Variants in ZDHHC8 observed in about 807,000 individuals in gnomAD.
ZDHHC8 encodes the protein palmitoyltransferase ZDHHC8.
ZDHHC8 carries 24 observed loss-of-function variants against 61.2 expected under a neutral mutation model. The observed-to-expected ratio is 0.39, with a 90% CI of 0.28 to 0.55. The LOEUF is 0.55. ZDHHC8 is among the 20% of genes least tolerant of loss of function. ZDHHC8 has a pLI of 0.60. For synonymous variants in ZDHHC8, 523 were observed against 492.5 expected (o/e 1.06, Z -0.82); for missense variants, 935 against 1,102.1 (o/e 0.85, Z 2.15).
Position 20,145,603 on chromosome 22 carries a change from C to CATG in ZDHHC8, c.*203_*204insATG. On this transcript the variant is annotated 3_prime_UTR_variant, in exon 11 of 11. Coordinates refer to ENST00000334554, the MANE Select transcript of ZDHHC8 (RefSeq NM_013373.4). Reference sequence around the variant, plus strand: ...TCCACTCATCTGCCCATGGGGAAGTCGGCTCACTGGGACAAGGGCCACTGG... The same window carrying CATG: ...TCCACTCATCTGCCCATGGGGAAGTCATGGGCTCACTGGGACAAGGGCCACTGG... 1 of 1,232,758 alleles carries CATG rather than the reference C, an allele frequency of 8.1e-7. No individual in the cohort carries two copies. The highest frequency in any genetic ancestry group is 1.0e-6 in the Non-Finnish European group (1 of 984,682). The allele number at this position is 1,232,758 out of a possible 1,614,324, so 76.4% of individuals were successfully genotyped here. A position where few individuals can be genotyped will look rare whatever the true frequency, so the allele number is the denominator to read the frequency against.
At chr22:20,133,387 G>T (rs887756054) in intron 1 of ZDHHC8, among the ~76,000 whole-genome samples, 1 of 152,188 alleles carries the variant, frequency 6.6e-6, no homozygotes, top group Non-Finnish European at 1.5e-5. Flanking sequence ...GTCTGGCTTG[G>T]TTCCTTACTC....
At chr22:20,136,505 G>A (rs985719577) in intron 1 of ZDHHC8, among the ~76,000 whole-genome samples, 6 of 152,236 alleles carry the variant, frequency 3.9e-5, no homozygotes, top group Non-Finnish European at 7.3e-5. Flanking sequence ...CCCAGAGAGT[G>A]GGAGGGCCGT....
intron 9 of ZDHHC8, 55 bp downstream of exon 9, chr22:20,141,585 G>A (rs2050471833): frequency 4.1e-6 from 6 of 1,464,290 alleles, no homozygotes; most frequent in Non-Finnish European, 5.6e-6. Flanking sequence ...CCCGCCTCTA[G>A]GAGCTCGCCC....
rs1173190780 is a variant in ZDHHC8, at chr22:20,147,221, C to T, written c.*1821C>T. ...GCCTCCAGTCTTTTCCCCAGCCTCT[C>T]GGGGCCCTAGCAGGATGACAAGTAG... On this transcript the variant is annotated 3_prime_UTR_variant, in exon 11 of 11. Transcript: ENST00000334554. The T allele has an allele frequency of 4.8e-6, 7 of 1,470,532 alleles. No homozygotes were observed. Among genetic ancestry groups the T allele is most frequent in the Admixed American group, 2.5e-5 (1 of 40,342 alleles). The allele number at this position is 1,470,532 out of a possible 1,614,324, so 91.1% of individuals were successfully genotyped here.
rs972592714 is a variant in ZDHHC8, at chr22:20,147,160, C to T, written c.*1760C>T. The T allele has an allele frequency of 2.6e-6, 4 of 1,531,786 alleles. No individual in the cohort carries two copies. The highest frequency in any genetic ancestry group is 3.5e-6 in the Non-Finnish European group (4 of 1,139,646). The allele number at this position is 1,531,786 out of a possible 1,614,324, so 94.9% of individuals were successfully genotyped here. A position where few individuals can be genotyped will look rare whatever the true frequency, so the allele number is the denominator to read the frequency against. On this transcript the variant is annotated 3_prime_UTR_variant, in exon 11 of 11. Coordinates refer to ENST00000334554, the MANE Select transcript of ZDHHC8 (RefSeq NM_013373.4). Reference sequence around the variant, plus strand: ...CCCCTGGAGCCAGGCCGCCGGGGCACCCCCACGCGGGGCCATGTGCCGCCT... The same window carrying T: ...CCCCTGGAGCCAGGCCGCCGGGGCATCCCCACGCGGGGCCATGTGCCGCCT...
At position 20,133,261 on chromosome 22, in the gene ZDHHC8, G is replaced by A. The variant is rs569426898; in HGVS notation, c.104+1210G>A. On this transcript the variant is annotated intron_variant, in intron 1 of 10. Coordinates refer to ENST00000334554, the MANE Select transcript of ZDHHC8 (RefSeq NM_013373.4). ...TTGCTGCTGGTGTGGGGCAGAGAGA[G>A]GTGGGTGGGGGGCAGCCTGGGGAGC... Among the ~76,000 whole-genome samples the A allele has an allele frequency of 5.3e-5, 8 of 152,260 alleles. No homozygotes were observed. The East Asian group carries it at 9.6e-4, about 18-fold the overall frequency.
intron 9 of ZDHHC8, among the ~76,000 whole-genome samples, chr22:20,142,470 C>A (rs2050478438): frequency 6.6e-6 from 1 of 152,206 alleles, no homozygotes; most frequent in Non-Finnish European, 1.5e-5. Context: ...CGAGGCTCCT[C>A]CTCCCTCTGG....
intron 10 of ZDHHC8, among the ~76,000 whole-genome samples, 191 bp downstream of exon 10, chr22:20,143,947 T>G (rs2148009751): frequency 6.6e-6 from 1 of 152,312 alleles, no homozygotes; most frequent in Non-Finnish European, 1.5e-5. Context: ...GCTCTGAGGA[T>G]GTCCTGGGCA....
At chr22:20,142,715 G>T (rs2050480974) in intron 9 of ZDHHC8, 41 bp from the exon 10 acceptor site, 1 of 1,608,268 alleles carries the variant, frequency 6.2e-7, no homozygotes, top group African/African-American at 1.3e-5. Context: ...CTGCAGGCGG[G>T]GTGGCAGGTG....
In ZDHHC8 at chr22:20,147,320, G is replaced by C; in HGVS notation, c.*1920G>C. Reference sequence around the variant, plus strand: ...CTGCAGTGGACCCTGGGGCAGGGCTGGGGGTGGGCTGGGCTCTCTGCTCCA... The same window carrying C: ...CTGCAGTGGACCCTGGGGCAGGGCTCGGGGTGGGCTGGGCTCTCTGCTCCA... On this transcript the variant is annotated 3_prime_UTR_variant, in exon 11 of 11. Coordinates refer to ENST00000334554, the MANE Select transcript of ZDHHC8 (RefSeq NM_013373.4). 2 of 1,297,888 alleles carry C rather than the reference G, an allele frequency of 1.5e-6. No homozygotes were observed. Among genetic ancestry groups the C allele is most frequent in the South Asian group, 3.5e-5 (2 of 56,924 alleles). 80.4% of individuals were successfully genotyped at this position (1,297,888 alleles called of 1,614,324 possible). A position where few individuals can be genotyped will look rare whatever the true frequency, so the allele number is the denominator to read the frequency against.
At chr22:20,138,811 A>G (rs937827452) in intron 1 of ZDHHC8, among the ~76,000 whole-genome samples, 8 of 152,254 alleles carry the variant, frequency 5.3e-5, no homozygotes, top group African/African-American at 1.9e-4. Context: ...GGCCTGGATG[A>G]GGCATCGTGG....
intron 1 of ZDHHC8, 25 bp from the exon 2 acceptor site, chr22:20,139,169 T>C: frequency 6.2e-7 from 1 of 1,607,520 alleles, no homozygotes; most frequent in Non-Finnish European, 8.5e-7. Flanking sequence ...CAGACTCCAC[T>C]CTCTGCCCCC....
chr22:20,143,233 G>A lies in ZDHHC8; in HGVS notation c.1603G>A (p.Glu535Lys), dbSNP rs371133496. The change falls in exon 10 of 11, where the codon GAG becomes AAG. Residue 535 changes from glutamate (E) to lysine (K), a missense_variant. Physicochemically the swap from Glu to Lys is moderately conservative, Grantham distance 56. This residue lies in a region of ZDHHC8 where 692 missense variants were observed against 731.4 expected (regional missense o/e 0.95). Coordinates refer to ENST00000334554, the MANE Select transcript of ZDHHC8 (RefSeq NM_013373.4). ...FSPVLGPRPR[E>K]PSPVRYDNLS... ...CCCCGTGCTGGGCCCCCGCCCCCGG[G>A]AGCCCTCGCCTGTGCGCTACGACAA... is the stretch of plus-strand genomic sequence containing the variant. 3.4e-5 allele frequency: 54 copies of A among 1,606,820 alleles called. No homozygotes were observed. Among genetic ancestry groups the A allele is most frequent in the Non-Finnish European group, 4.3e-5 (51 of 1,179,466 alleles).
intron 1 of ZDHHC8, among the ~76,000 whole-genome samples, chr22:20,135,599 G>T (rs2050413173): frequency 6.6e-6 from 1 of 152,230 alleles, no homozygotes; most frequent in African/African-American, 2.4e-5. Flanking sequence ...GGCCAGACTA[G>T]CCTTGGTGGG....
At chr22:20,140,338 G>A in intron 5 of ZDHHC8, 121 bp downstream of exon 5, 2 of 1,071,598 alleles carry the variant, frequency 1.9e-6, no homozygotes, top group Non-Finnish European at 2.7e-6. Context: ...GTTGAGACGA[G>A]GCTCCAACTC....
rs1330215289 is a variant in ZDHHC8, at chr22:20,141,293, G to A, written c.971G>A (p.Gly324Asp). The part of the protein sequence containing the change: ...GPPLPPKIEA[G>D]TFSSDLQTPR... Reference sequence around the variant, plus strand: ...CCACTGCCCCCCAAGATAGAGGCTGGCACGTTCAGCAGTGACCTGCAGACC... The same window carrying A: ...CCACTGCCCCCCAAGATAGAGGCTGACACGTTCAGCAGTGACCTGCAGACC... Residue 324 changes from glycine to aspartate, a missense_variant, in exon 8 of 11, where the codon GGC becomes GAC. Coordinates refer to ENST00000334554, the MANE Select transcript of ZDHHC8 (RefSeq NM_013373.4). 2.5e-6 allele frequency: 4 copies of A among 1,612,788 alleles called. No homozygotes were observed. In the African/African-American group the frequency reaches 5.3e-5, roughly 22 times the overall value.
Position 20,143,770 on chromosome 22 carries a change from G to A in ZDHHC8, c.2126+14G>A. ...GACCGTGCAGAGGTGGGTGCCGGGA[G>A]GTGCGGGTGGGCTTCCTGGCACAGG... On this transcript the variant is annotated intron_variant, in intron 10 of 10. Transcript: ENST00000334554. 1 of 1,594,992 alleles carries A rather than the reference G, an allele frequency of 6.3e-7. No individual in the cohort carries two copies.
In ZDHHC8 at chr22:20,145,815, C is replaced by T; in HGVS notation, c.*415C>T. The T allele has an allele frequency of 1.0e-6, 1 of 988,452 alleles. No individual in the cohort carries two copies. Among genetic ancestry groups the T allele is most frequent in the Non-Finnish European group, 1.2e-6 (1 of 832,016 alleles). The allele number at this position is 988,452 out of a possible 1,614,324, so 61.2% of individuals were successfully genotyped here. ...AGAGATGGACAGAGGCACCCAGGGC[C>T]CCCACCGTCCTTCTGACACAGCCTG... On this transcript the variant is annotated 3_prime_UTR_variant, in exon 11 of 11. Coordinates refer to ENST00000334554, the MANE Select transcript of ZDHHC8 (RefSeq NM_013373.4).
rs1248808008 is a variant in ZDHHC8, at chr22:20,142,791, C to T, written c.1161C>T (p.Asp387=). 3.7e-6 allele frequency: 6 copies of T among 1,612,580 alleles called. No homozygotes were observed. In the African/African-American group the frequency reaches 6.7e-5, roughly 18 times the overall value. ...PGPDSLTLGD[D]SIRSLDFVSE... is the part of the protein sequence containing the mutation. ...CTGATTCCCTGACCCTGGGGGACGA[C>T]AGCATCCGTAGCCTGGACTTTGTGT... The change falls in exon 10 of 11, where the codon GAC becomes GAT. Residue 387 remains aspartate, a synonymous_variant. Transcript: ENST00000334554.
Sources: gnomAD v4.1 joint callset for allele counts (sites outside exome capture counted in the v4.1 genomes callset) on GRCh38, gnomAD v4.1.1 for gene constraint, gnomAD v4.1.1 regional missense constraint, MANE v1.5 for transcripts, NCBI Gene and HGNC (gene_info 2026-07-23, HGNC 2026-07-21) for gene names.